The following MOB4 variants were observed in gnomAD, a reference collection of about 807,000 sequenced individuals.
MOB4 encodes the protein MOB family member 4, phocein.
A neutral mutation model predicts 32.2 loss-of-function variants in MOB4; 4 were observed. The ratio of observed to expected loss-of-function variants is 0.12; its 90% confidence interval spans 0.06 to 0.28. The LOEUF (loss-of-function observed/expected upper bound fraction) is 0.28. Among genes scored for constraint, MOB4 ranks in the 10% least tolerant of loss-of-function variants. MOB4 has a pLI of 1.00. For missense variants in MOB4, 158 were observed against 271.2 expected, an observed-to-expected ratio of 0.58 and a Z score of 2.93; for synonymous variants, 88 against 88.1, an observed-to-expected ratio of 1.00 and a Z score of 0.01.
At chr2:197,530,132 G>A (rs539841132) in intron 2 of MOB4, among the ~76,000 whole-genome samples, 1 of 152,018 alleles carries the variant, frequency 6.6e-6, no homozygotes, top group South Asian at 2.1e-4. Context: ...ACCGTGTCTG[G>A]CTAATTTTTG....
chr2:197,544,946 G>T (rs2086969140), intron 5 of MOB4, among the ~76,000 whole-genome samples: 1 of 152,196 alleles, frequency 6.6e-6, no homozygotes, highest in Non-Finnish European at 1.5e-5. Context: ...AAACATTGAT[G>T]ATGGGATTGT....
intron 3 of MOB4, among the ~76,000 whole-genome samples, chr2:197,536,565 C>G (rs1265516605): frequency 6.6e-6 from 1 of 150,900 alleles, no homozygotes; most frequent in Admixed American, 6.6e-5. Context: ...TTCCGTTTCC[C>G]CATTTTTGCA....
intron 1 of MOB4, among the ~76,000 whole-genome samples, chr2:197,518,930 T>G (rs976517282): frequency 1.4e-4 from 22 of 151,760 alleles, no homozygotes; most frequent in Non-Finnish European, 2.6e-4. Context: ...TAATTTTTTT[T>G]TGTATTTTTA....
At chr2:197,519,265 G>A (rs1276424672) in intron 1 of MOB4, among the ~76,000 whole-genome samples, 1 of 152,170 alleles carries the variant, frequency 6.6e-6, no homozygotes, top group Non-Finnish European at 1.5e-5. Context: ...TGAATTTTTG[G>A]TGTCTCTCAT....
chr2:197,516,422 T>G, intron 1 of MOB4: 1 of 1,348,112 alleles, frequency 7.4e-7, no homozygotes, highest in South Asian at 1.5e-5. Flanking sequence ...GCTGCGAGCC[T>G]GTCAGCAGCA....
At position 197,549,592 on chromosome 2, in the gene MOB4, C is replaced by T. The variant is rs2087058100; in HGVS notation, c.435-683C>T. Among the ~76,000 whole-genome samples, 5 of 152,040 alleles carry T rather than the reference C, an allele frequency of 3.3e-5. No individual in the cohort carries two copies. The South Asian group carries it at 1.0e-3, about 32-fold the overall frequency. On this transcript the variant is annotated intron_variant, in intron 6 of 7. Coordinates refer to ENST00000323303, the MANE Select transcript of MOB4 (RefSeq NM_015387.5). ...TTTTCTATATGGAGTCTTGCTCAAC[C>T]AGGCTGGAGTGCAGTGGCGCAATCT...
intron 5 of MOB4, among the ~76,000 whole-genome samples, chr2:197,544,104 A>C (rs1415529803): frequency 7.1e-6 from 1 of 141,398 alleles, no homozygotes; most frequent in Non-Finnish European, 1.5e-5. Context: ...CTGGAGTTTC[A>C]CTCTGTTGCC....
In MOB4 at chr2:197,516,115, T is replaced by G; in HGVS notation, c.29T>G (p.Leu10Arg). The G allele has an allele frequency of 6.2e-7, 1 of 1,604,308 alleles. No individual in the cohort carries two copies. Among genetic ancestry groups the G allele is most frequent in the Non-Finnish European group, 8.5e-7 (1 of 1,176,556 alleles). Residue 10 changes from leucine (L) to arginine (R), a missense_variant, in exon 1 of 8, where the codon CTG becomes CGG. Coordinates refer to ENST00000323303, the MANE Select transcript of MOB4 (RefSeq NM_015387.5). Reference protein sequence around the residue: MVMAEGTAVLRRNRPGTKAQ... With the variant: MVMAEGTAVRRRNRPGTKAQ... ...GTCATGGCGGAGGGGACGGCAGTGC[T>G]GAGGCGGAACAGGCCGGGCACCAAG...
At chr2:197,545,922 A>G (rs1283316194) in intron 5 of MOB4, among the ~76,000 whole-genome samples, 1 of 152,210 alleles carries the variant, frequency 6.6e-6, no homozygotes, top group Admixed American at 6.5e-5. Flanking sequence ...AGTTGTATCA[A>G]TTATATCTTA....
At chr2:197,544,630 G>A (rs1403186610) in intron 5 of MOB4, among the ~76,000 whole-genome samples, 3 of 152,034 alleles carry the variant, frequency 2.0e-5, no homozygotes, top group African/African-American at 7.2e-5. Flanking sequence ...GCGTGTGCCT[G>A]TAGTCTCAGC....
At chr2:197,537,129 G>T (rs370610342) in intron 3 of MOB4, among the ~76,000 whole-genome samples, 2 of 152,300 alleles carry the variant, frequency 1.3e-5, no homozygotes, top group African/African-American at 4.8e-5. Context: ...CAAACTTCCA[G>T]TCTTCTCTTT....
chr2:197,536,657 A>G (rs1209861194), intron 3 of MOB4, among the ~76,000 whole-genome samples: 2 of 121,480 alleles, frequency 1.6e-5, no homozygotes, highest in Non-Finnish European at 3.1e-5. Flanking sequence ...GCTGGAGTGC[A>G]GTGGTGTGAT....
intron 2 of MOB4, among the ~76,000 whole-genome samples, chr2:197,535,162 G>T (rs1209294814): frequency 6.6e-6 from 1 of 151,102 alleles, no homozygotes; most frequent in African/African-American, 2.4e-5. Context: ...GGTGGATATT[G>T]CAGTGATCTG....
chr2:197,528,988 G>T (rs1357438307), intron 2 of MOB4, among the ~76,000 whole-genome samples: 2 of 149,428 alleles, frequency 1.3e-5, no homozygotes, highest in African/African-American at 5.0e-5. Context: ...TTTAGACAGA[G>T]TCTCGCTCTG....
chr2:197,549,526 T>C (rs2087056593), intron 6 of MOB4, among the ~76,000 whole-genome samples: 1 of 152,118 alleles, frequency 6.6e-6, no homozygotes, highest in African/African-American at 2.4e-5. Context: ...AAAATTTCAA[T>C]TTTAAAAAAA....
At chr2:197,531,057 T>A (rs1275214013) in intron 2 of MOB4, among the ~76,000 whole-genome samples, 1 of 150,972 alleles carries the variant, frequency 6.6e-6, no homozygotes, top group African/African-American at 2.4e-5. Flanking sequence ...ATTTTTATTT[T>A]TTTTTTTTGA....
At chr2:197,518,001 C>T (rs2086445475) in intron 1 of MOB4, among the ~76,000 whole-genome samples, 1 of 151,690 alleles carries the variant, frequency 6.6e-6, no homozygotes, top group Non-Finnish European at 1.5e-5. Flanking sequence ...ATTAGCTGGG[C>T]GTGGTGGCGG....
At position 197,552,720 on chromosome 2, in the gene MOB4, GT is replaced by G. The variant is rs2087117748; in HGVS notation, c.*2079del. On this transcript the variant is annotated 3_prime_UTR_variant, in exon 8 of 8. Transcript: ENST00000323303. Reference sequence around the variant, plus strand: ...GTAAGACCTAAGTGAAACAGTTCCTGTTTTTCCTTAATACTGTTTTCAGAAT... The same window carrying G: ...GTAAGACCTAAGTGAAACAGTTCCTGTTTTCCTTAATACTGTTTTCAGAAT... 6.6e-6 allele frequency: 1 copy of G among 152,234 alleles called. No homozygotes were observed. The highest frequency in any genetic ancestry group is 1.5e-5 in the Non-Finnish European group (1 of 68,004). 9.4% of individuals were successfully genotyped at this position (152,234 alleles called of 1,614,324 possible).
At chr2:197,534,665 C>G (rs2086767143) in intron 2 of MOB4, among the ~76,000 whole-genome samples, 1 of 152,158 alleles carries the variant, frequency 6.6e-6, no homozygotes, top group Non-Finnish European at 1.5e-5. Context: ...GCCTCAGCCT[C>G]CAGAGTAGCT....
Sources: allele counts gnomAD v4.1 joint callset (sites outside exome capture counted in the v4.1 genomes callset), GRCh38; gene constraint gnomAD v4.1.1; transcripts MANE v1.5; gene names NCBI Gene and HGNC (gene_info 2026-07-23, HGNC 2026-07-21).